Variants in CNTNAP2 observed in about 807,000 individuals in gnomAD.
CNTNAP2 encodes contactin-associated protein-like 2.
Under a neutral mutation model 155.2 loss-of-function variants are expected in CNTNAP2, and 98 were observed. That is an observed-to-expected ratio of 0.63 (90% CI 0.54 to 0.75). The LOEUF is 0.75. Ranked by LOEUF, CNTNAP2 falls within the 30% of genes least tolerant of loss-of-function variation. CNTNAP2 has a pLI of 0.00. For missense variants in CNTNAP2, 1,727 were observed against 1,688.1 expected (o/e 1.02, Z -0.40); for synonymous variants, 651 against 631.2 (o/e 1.03, Z -0.47).
intron 3 of CNTNAP2, among the ~76,000 whole-genome samples, chr7:146,902,468 TAAGAA>T (rs1301772843): frequency 1.3e-5 from 2 of 152,314 alleles, no homozygotes; most frequent in Admixed American, 6.5e-5. Context: ...TTTGCTATAA[TAAGAA>T]AAGAGTTATG....
At chr7:147,883,832 T>G (rs2116720156) in intron 13 of CNTNAP2, among the ~76,000 whole-genome samples, 1 of 152,324 alleles carries the variant, frequency 6.6e-6, no homozygotes, top group South Asian at 2.1e-4. Flanking sequence ...TGAAAAATGT[T>G]TATTAACCAC....
chr7:146,768,063 T>G (rs374936270), intron 1 of CNTNAP2, among the ~76,000 whole-genome samples: 1 of 152,112 alleles, frequency 6.6e-6, no homozygotes, highest in South Asian at 2.1e-4. Flanking sequence ...TTTCCTGTAC[T>G]TTCCACATAT....
chr7:148,311,435 G>T (rs895895751), intron 21 of CNTNAP2, among the ~76,000 whole-genome samples: 2 of 152,108 alleles, frequency 1.3e-5, no homozygotes, highest in African/African-American at 4.8e-5. Flanking sequence ...AGAGGTAGAG[G>T]GTGGCAGAGG....
chr7:147,186,875 TC>T (rs1242661928), intron 8 of CNTNAP2, among the ~76,000 whole-genome samples: 9 of 93,766 alleles, frequency 9.6e-5, no homozygotes, highest in Non-Finnish European at 2.1e-4. Context: ...CTTGATCTTT[TC>T]GGGCTGACCA....
At chr7:146,517,527 C>T (rs929164503) in intron 1 of CNTNAP2, among the ~76,000 whole-genome samples, 1 of 151,842 alleles carries the variant, frequency 6.6e-6, no homozygotes, top group Non-Finnish European at 1.5e-5. Flanking sequence ...GTGGAATGGA[C>T]AGTGAATGGG....
At chr7:148,411,848 C>CAT (rs148050055) in intron 23 of CNTNAP2, among the ~76,000 whole-genome samples, 2,537 of 135,560 alleles carry the variant, frequency 0.019, 71 homozygotes, top group African/African-American at 0.059. Context: ...AAGCAACTGA[C>CAT]ATATGTGTGT....
At chr7:148,097,405 ACAAGATAAAT>A (rs1465794832) in intron 15 of CNTNAP2, among the ~76,000 whole-genome samples, 2 of 151,702 alleles carry the variant, frequency 1.3e-5, no homozygotes, top group Non-Finnish European at 2.9e-5. Flanking sequence ...AAATAGTTTG[ACAAGATAAAT>A]CAGGGACTTT....
intron 3 of CNTNAP2, among the ~76,000 whole-genome samples, chr7:146,905,953 G>C (rs1796113554): frequency 6.6e-6 from 1 of 152,208 alleles, no homozygotes; most frequent in Non-Finnish European, 1.5e-5. Flanking sequence ...ACCACACCGT[G>C]CGCGAGCCGA....
intron 2 of CNTNAP2, among the ~76,000 whole-genome samples, chr7:146,821,599 T>A (rs1160608485): frequency 6.6e-6 from 1 of 152,186 alleles, no homozygotes; most frequent in South Asian, 2.1e-4. Flanking sequence ...ATCCAGAATC[T>A]ACAATGAACT....
At chr7:146,926,287 C>G (rs1176082783) in intron 3 of CNTNAP2, among the ~76,000 whole-genome samples, 1 of 151,794 alleles carries the variant, frequency 6.6e-6, no homozygotes, top group Non-Finnish European at 1.5e-5. Context: ...GACAATATAA[C>G]AAAAATTTTA....
chr7:147,300,347 A>G (rs990868944), intron 9 of CNTNAP2, 57 bp downstream of exon 9: 27 of 1,590,024 alleles, frequency 1.7e-5, no homozygotes, highest in Non-Finnish European at 2.2e-5. Flanking sequence ...AGGTTTCAAA[A>G]TGAAGTTTGA....
At chr7:146,304,076 A>T (rs1800663360) in intron 1 of CNTNAP2, among the ~76,000 whole-genome samples, 1 of 146,958 alleles carries the variant, frequency 6.8e-6, no homozygotes, top group African/African-American at 2.5e-5. Context: ...TTTATCAGAG[A>T]CTAGGATTGC....
intron 2 of CNTNAP2, among the ~76,000 whole-genome samples, chr7:146,821,437 T>C (rs1403883177): frequency 6.6e-6 from 1 of 152,110 alleles, no homozygotes. Context: ...TTAGTTTGGC[T>C]GGATATGAAA....
At chr7:147,745,819 C>T (rs1289544950) in intron 13 of CNTNAP2, among the ~76,000 whole-genome samples, 1 of 152,214 alleles carries the variant, frequency 6.6e-6, no homozygotes, top group African/African-American at 2.4e-5. Flanking sequence ...CAAGCGCAAT[C>T]ATTCTTTTCT....
intron 13 of CNTNAP2, among the ~76,000 whole-genome samples, chr7:147,668,618 A>T (rs1252647996): frequency 6.6e-6 from 1 of 152,202 alleles, no homozygotes; most frequent in East Asian, 1.9e-4. Context: ...AAGTAAAAAT[A>T]AAAAATTAAA....
At chr7:148,162,947 C>T (rs546123157) in intron 17 of CNTNAP2, among the ~76,000 whole-genome samples, 1 of 152,320 alleles carries the variant, frequency 6.6e-6, no homozygotes, top group Admixed American at 6.5e-5. Flanking sequence ...CTGCAGTGAA[C>T]CATGATTGCG....
chr7:146,356,815 C>A (rs1442867254), intron 1 of CNTNAP2, among the ~76,000 whole-genome samples: 5 of 152,096 alleles, frequency 3.3e-5, no homozygotes, highest in Non-Finnish European at 7.3e-5. Flanking sequence ...CCTTCAAACA[C>A]ACACACGCAC....
At chr7:147,872,880 A>G (rs1799351682) in intron 13 of CNTNAP2, among the ~76,000 whole-genome samples, 1 of 152,218 alleles carries the variant, frequency 6.6e-6, no homozygotes, top group South Asian at 2.1e-4. Context: ...AAACACAAAT[A>G]TATAGCATGT....
intron 13 of CNTNAP2, among the ~76,000 whole-genome samples, chr7:147,761,036 G>A (rs1172549902): frequency 1.3e-5 from 2 of 152,078 alleles, no homozygotes; most frequent in African/African-American, 2.4e-5. Context: ...TGGCATTATA[G>A]TATATGGCTT....
Sources: gnomAD v4.1 joint callset for allele counts (sites outside exome capture counted in the v4.1 genomes callset) on GRCh38, gnomAD v4.1.1 for gene constraint, MANE v1.5 for transcripts, NCBI Gene and HGNC (gene_info 2026-07-23, HGNC 2026-07-21) for gene names.